PLXNC1: variants seen among roughly 807,000 people sequenced by gnomAD.
PLXNC1 encodes plexin-C1.
Under a neutral mutation model 178.2 loss-of-function variants are expected in PLXNC1, and 75 were observed. The observed-to-expected ratio is 0.42, with a 90% CI of 0.35 to 0.51. The LOEUF is 0.51. Ranked by LOEUF, PLXNC1 falls within the 20% of genes least tolerant of loss-of-function variation. The pLI is 0.02. For synonymous variants in PLXNC1, 790 were observed against 779.9 expected, an observed-to-expected ratio of 1.01 and a Z score of -0.22; for missense variants, 1,503 against 1,984.4, an observed-to-expected ratio of 0.76 and a Z score of 4.61.
intron 6 of PLXNC1, 80 bp from the exon 7 acceptor site, chr12:94,224,148 T>G (rs1963875327): frequency 9.2e-6 from 8 of 868,710 alleles, no homozygotes; most frequent in African/African-American, 1.7e-5. Flanking sequence ...GCAAAAATAT[T>G]TATCTTTTTT....
intron 7 of PLXNC1, 175 bp from the exon 8 acceptor site, chr12:94,226,430 T>G (rs1963940517): frequency 1.8e-6 from 1 of 544,814 alleles, no homozygotes; most frequent in East Asian, 3.2e-5. Flanking sequence ...TTCCGGCCCA[T>G]CAACCTGAGG....
intron 21 of PLXNC1, among the ~76,000 whole-genome samples, chr12:94,278,825 G>A (rs980846875): frequency 6.6e-6 from 1 of 151,980 alleles, no homozygotes; most frequent in Non-Finnish European, 1.5e-5. Context: ...GTGAAACCCC[G>A]TCTCTACTAA....
In PLXNC1 at chr12:94,205,921, G is replaced by A. The variant is rs115598736; in HGVS notation, c.1440-3669G>A. Among the ~76,000 whole-genome samples the A allele has an allele frequency of 7.9e-4, 121 of 152,364 alleles. 1 individual carries two copies. Among genetic ancestry groups the A allele is most frequent in the African/African-American group, 2.6e-3 (109 of 41,590 alleles). On this transcript the variant is annotated intron_variant, in intron 4 of 30. Coordinates refer to ENST00000258526, the MANE Select transcript of PLXNC1 (RefSeq NM_005761.3). The stretch of plus-strand genomic sequence containing the variant: ...GGCATGAAGCCAGGGGGCCAAGTTT[G>A]TGGGCTCTGAAATCAGACTTCTGCC...
intron 23 of PLXNC1, among the ~76,000 whole-genome samples, chr12:94,292,604 A>AT (rs1252161322): frequency 6.6e-6 from 1 of 152,228 alleles, no homozygotes; most frequent in African/African-American, 2.4e-5. Flanking sequence ...ATTCTAGAAT[A>AT]TTTGCATACA....
At chr12:94,184,920 C>T (rs940775299) in intron 3 of PLXNC1, among the ~76,000 whole-genome samples, 3 of 152,174 alleles carry the variant, frequency 2.0e-5, no homozygotes, top group African/African-American at 4.8e-5. Flanking sequence ...TAAGGAAACC[C>T]GTTTTGCTTT....
rs759585346 is a variant in PLXNC1 at position 94,177,079 on chromosome 12, A to G, written c.1204-4367A>G. On this transcript the variant is annotated intron_variant, in intron 2 of 30. Coordinates refer to ENST00000258526, the MANE Select transcript of PLXNC1 (RefSeq NM_005761.3). ...TGTGTGTGTGTGTGTGTGTGTGTGT[A>G]TATATATATGTGTATATATATATGT... is the stretch of plus-strand genomic sequence containing the variant. Among the ~76,000 whole-genome samples the G allele has an allele frequency of 6.2e-3, 666 of 108,278 alleles. 3 individuals are homozygous for G. Among genetic ancestry groups the G allele is most frequent in the Non-Finnish European group, 8.3e-3 (415 of 49,796 alleles). 71.0% of individuals were successfully genotyped at this position (108,278 alleles called of 152,430 possible). A position where few individuals can be genotyped will look rare whatever the true frequency, so the allele number is the denominator to read the frequency against.
intron 21 of PLXNC1, among the ~76,000 whole-genome samples, chr12:94,275,180 G>T (rs369236617): frequency 5.9e-5 from 9 of 152,334 alleles, no homozygotes; most frequent in East Asian, 5.8e-4. Flanking sequence ...CTTGCTGAGG[G>T]TGATAGTCAC....
chr12:94,290,571 T>C (rs1210972791), intron 23 of PLXNC1, among the ~76,000 whole-genome samples: 1 of 152,246 alleles, frequency 6.6e-6, no homozygotes, highest in Admixed American at 6.5e-5. Flanking sequence ...GCCTCTGGCC[T>C]AAACTTAGCG....
At chr12:94,150,166 C>G (rs1049116918) in intron 1 of PLXNC1, 133 bp downstream of exon 1, 49 of 760,458 alleles carry the variant, frequency 6.4e-5, no homozygotes, top group Admixed American at 1.1e-4. Context: ...GTCTCAGGTT[C>G]ACACCGCGGG....
At chr12:94,266,817 A>G (rs1428441584) in intron 21 of PLXNC1, among the ~76,000 whole-genome samples, 1 of 152,250 alleles carries the variant, frequency 6.6e-6, no homozygotes, top group Non-Finnish European at 1.5e-5. Flanking sequence ...CAGGCATGTG[A>G]GTGCTACCTA....
chr12:94,297,510 T>A, intron 26 of PLXNC1, 87 bp downstream of exon 26: 1 of 916,536 alleles, frequency 1.1e-6, no homozygotes, highest in Non-Finnish European at 1.7e-6. Flanking sequence ...TGTGAAAATG[T>A]TACAAATCCC....
chr12:94,211,674 A>T lies in PLXNC1; in HGVS notation c.1554+1970A>T, dbSNP rs142746396. 1.6e-3 allele frequency among the ~76,000 whole-genome samples: 247 copies of T among 152,378 alleles called. 1 individual carries two copies. The highest frequency in any genetic ancestry group is 5.6e-3 in the African/African-American group (233 of 41,596). On this transcript the variant is annotated intron_variant, in intron 5 of 30. Transcript: ENST00000258526. ...TATTTCTTTCCACAAAACAATTAAA[A>T]GATAGTACATCCTCATACTCACTAT...
intron 1 of PLXNC1, among the ~76,000 whole-genome samples, chr12:94,162,267 G>T (rs957059891): frequency 1.3e-5 from 2 of 152,126 alleles, no homozygotes; most frequent in African/African-American, 4.8e-5. Flanking sequence ...AAGGGGGGTG[G>T]GGCTAGAAGA....
At position 94,303,168 on chromosome 12, in the gene PLXNC1, G is replaced by A. The variant is rs141531608; in HGVS notation, c.4387-588G>A. 9.2e-4 allele frequency among the ~76,000 whole-genome samples: 140 copies of A among 152,268 alleles called. 1 individual carries two copies. The highest frequency in any genetic ancestry group is 5.0e-3 in the East Asian group (26 of 5,184). ...ACGTAGAATCATTCAAATTGCCAGAGAACCTCTGCAAAATCACACATCAGA... is the reference window on the plus strand; with the variant it reads ...ACGTAGAATCATTCAAATTGCCAGAAAACCTCTGCAAAATCACACATCAGA... On this transcript the variant is annotated intron_variant, in intron 28 of 30. Coordinates refer to ENST00000258526, the MANE Select transcript of PLXNC1 (RefSeq NM_005761.3).
intron 1 of PLXNC1, among the ~76,000 whole-genome samples, chr12:94,160,446 T>C (rs1167057150): frequency 6.6e-6 from 1 of 152,196 alleles, no homozygotes; most frequent in Admixed American, 6.5e-5. Context: ...CAGGATTCCT[T>C]GTCATCCCCT....
intron 22 of PLXNC1, 129 bp from the exon 23 acceptor site, chr12:94,282,169 C>G (rs1410000795): frequency 1.5e-6 from 1 of 647,002 alleles, no homozygotes; most frequent in Non-Finnish European, 2.8e-6. Context: ...ACCAGTCTGG[C>G]TGATGCATCT....
At position 94,149,100 on chromosome 12, in the gene PLXNC1, G is replaced by A; in HGVS notation, c.129G>A (p.Glu43=). 2 of 1,585,276 alleles carry A rather than the reference G, an allele frequency of 1.3e-6. No homozygotes were observed. Among genetic ancestry groups the A allele is most frequent in the Non-Finnish European group, 8.5e-7 (1 of 1,171,756 alleles). The change falls in exon 1 of 31, where the codon GAG becomes GAA. Residue 43 remains glutamate (E), a synonymous_variant. Coordinates refer to ENST00000258526, the MANE Select transcript of PLXNC1 (RefSeq NM_005761.3). ...CGGACGAGCCCGTGTGGCGGTCGGA[G>A]CAAGCCATCGGAGCCATCGCGGCGA... ...RGADEPVWRS[E]QAIGAIAASQ...
intron 5 of PLXNC1, among the ~76,000 whole-genome samples, chr12:94,210,133 T>C (rs901348144): frequency 2.6e-5 from 4 of 152,220 alleles, no homozygotes; most frequent in Non-Finnish European, 5.9e-5. Flanking sequence ...TCCTAATGTG[T>C]TGAGGCTTCC....
chr12:94,270,841 C>T (rs1028144260), intron 21 of PLXNC1, among the ~76,000 whole-genome samples: 3 of 151,702 alleles, frequency 2.0e-5, no homozygotes, highest in Non-Finnish European at 4.4e-5. Context: ...AGTAGCAGAT[C>T]CCTTGATCCA....
Sources: gnomAD v4.1 joint callset for allele counts (sites outside exome capture counted in the v4.1 genomes callset) on GRCh38, gnomAD v4.1.1 for gene constraint, MANE v1.5 for transcripts, NCBI Gene and HGNC (gene_info 2026-07-23, HGNC 2026-07-21) for gene names.